The following FOXP2 variants were observed in gnomAD, a reference collection of about 807,000 sequenced individuals.
FOXP2 encodes the protein forkhead box protein P2.
Under a neutral mutation model 115.8 loss-of-function variants are expected in FOXP2, and 12 were observed. The ratio of observed to expected loss-of-function variants is 0.10; its 90% confidence interval spans 0.07 to 0.17. The LOEUF is 0.17. Ranked by LOEUF, FOXP2 falls within the 10% of genes least tolerant of loss-of-function variation. FOXP2 has a pLI of 1.00. For synonymous variants in FOXP2, 328 were observed against 297.7 expected (o/e 1.10, Z -1.05); for missense variants, 629 against 843.5 (o/e 0.75, Z 3.15).
intron 1 of FOXP2, among the ~76,000 whole-genome samples, chr7:114,183,337 A>G (rs1391543062): frequency 6.6e-6 from 1 of 152,160 alleles, no homozygotes; most frequent in Non-Finnish European, 1.5e-5. Flanking sequence ...GAAGCATAGA[A>G]CTGCTGACTA....
chr7:114,335,783 G>A (rs1797838312), intron 2 of FOXP2, among the ~76,000 whole-genome samples: 1 of 151,532 alleles, frequency 6.6e-6, no homozygotes, highest in Non-Finnish European at 1.5e-5. Context: ...ATTTATTATG[G>A]TAAACAGTCT....
chr7:114,523,820 C>T (rs1798740766), intron 2 of FOXP2, among the ~76,000 whole-genome samples: 1 of 152,124 alleles, frequency 6.6e-6, no homozygotes, highest in Admixed American at 6.6e-5. Context: ...AGTCACTCTC[C>T]TAGCTAACCT....
intron 3 of FOXP2, among the ~76,000 whole-genome samples, chr7:114,583,113 C>A (rs1330080125): frequency 6.6e-6 from 1 of 152,158 alleles, no homozygotes; most frequent in African/African-American, 2.4e-5. Flanking sequence ...CGTGGTGGCT[C>A]ACACCTGTAA....
intron 1 of FOXP2, among the ~76,000 whole-genome samples, chr7:114,094,876 G>GA (rs911003020): frequency 4.8e-4 from 73 of 151,518 alleles, no homozygotes; most frequent in African/African-American, 1.2e-3. Flanking sequence ...TCCAGGTTGG[G>GA]AAAAAAAACC....
chr7:114,314,252 T>A (rs1797219348), intron 2 of FOXP2, among the ~76,000 whole-genome samples: 1 of 148,338 alleles, frequency 6.7e-6, no homozygotes, highest in African/African-American at 2.5e-5. Flanking sequence ...TATTATTTTA[T>A]TGTTATGTTT....
intron 1 of FOXP2, among the ~76,000 whole-genome samples, chr7:114,122,960 C>T (rs1791606946): frequency 6.6e-6 from 1 of 151,764 alleles, no homozygotes; most frequent in Non-Finnish European, 1.5e-5. Context: ...TCTTATTCTG[C>T]CTTGTTTTGC....
intron 1 of FOXP2, among the ~76,000 whole-genome samples, chr7:114,246,214 C>A (rs1246698895): frequency 1.3e-5 from 2 of 151,868 alleles, no homozygotes; most frequent in Non-Finnish European, 2.9e-5. Context: ...AGCTAAAATA[C>A]CACTTTGAAT....
chr7:114,513,636 TA>T (rs1798183644), intron 2 of FOXP2, among the ~76,000 whole-genome samples: 1 of 152,134 alleles, frequency 6.6e-6, no homozygotes, highest in Non-Finnish European at 1.5e-5. Context: ...GATATTTTCA[TA>T]AAAAGTTTTA....
chr7:114,571,714 A>T (rs2129296421), intron 3 of FOXP2, among the ~76,000 whole-genome samples: 1 of 152,020 alleles, frequency 6.6e-6, no homozygotes, highest in African/African-American at 2.4e-5. Context: ...TTTTACATTA[A>T]GTATTATAAG....
At chr7:114,543,971 T>C (rs1480751819) in intron 3 of FOXP2, among the ~76,000 whole-genome samples, 1 of 152,216 alleles carries the variant, frequency 6.6e-6, no homozygotes, top group African/African-American at 2.4e-5. Context: ...TACCGGGAAA[T>C]GTTCCTTCAG....
At chr7:114,561,542 T>C (rs1164559822) in intron 3 of FOXP2, 1 of 152,208 alleles carries the variant, frequency 6.6e-6, no homozygotes, top group Non-Finnish European at 1.5e-5. Context: ...AATAATTTCT[T>C]CTCTTAAGGA....
At chr7:114,481,615 C>T (rs1286384156) in intron 2 of FOXP2, among the ~76,000 whole-genome samples, 1 of 151,380 alleles carries the variant, frequency 6.6e-6, no homozygotes, top group Admixed American at 6.6e-5. Context: ...CTCTTCTCTA[C>T]TGACTCTCTG....
chr7:114,512,868 G>A lies in FOXP2; in HGVS notation c.169-21749G>A, dbSNP rs192356413. Among the ~76,000 whole-genome samples the A allele has an allele frequency of 4.2e-3, 635 of 152,164 alleles. 8 individuals are homozygous for A. The highest frequency in any genetic ancestry group is 0.014 in the African/African-American group (601 of 41,504). On this transcript the variant is annotated intron_variant, in intron 2 of 16. Transcript: ENST00000350908. ...GGAGGCAGAGGCAGGTTGATCATGA[G>A]GTCAAGAGATCGATACCATCCTGGC...
chr7:114,180,705 T>A (rs1793433251), intron 1 of FOXP2, among the ~76,000 whole-genome samples: 1 of 151,866 alleles, frequency 6.6e-6, no homozygotes, highest in South Asian at 2.1e-4. Flanking sequence ...ATCCTTCACA[T>A]CTCCCTTCTC....
intron 2 of FOXP2, among the ~76,000 whole-genome samples, chr7:114,456,471 G>A (rs1170230452): frequency 2.0e-5 from 3 of 152,140 alleles, no homozygotes; most frequent in Non-Finnish European, 2.9e-5. Flanking sequence ...AGTTTTCTTA[G>A]TTTTCAAATG....
chr7:114,235,601 T>C (rs2129166619), intron 1 of FOXP2, among the ~76,000 whole-genome samples: 2 of 152,334 alleles, frequency 1.3e-5, no homozygotes, highest in East Asian at 3.9e-4. Context: ...ACAACATCTT[T>C]ATTTGCTTTG....
intron 1 of FOXP2, among the ~76,000 whole-genome samples, chr7:114,275,319 G>A (rs552853037): frequency 2.6e-5 from 4 of 151,872 alleles, no homozygotes; most frequent in Non-Finnish European, 4.4e-5. Context: ...TAGTTTTCCC[G>A]CAGTTCTTAA....
At chr7:114,378,792 A>AG (rs1403508244) in intron 2 of FOXP2, among the ~76,000 whole-genome samples, 1 of 149,114 alleles carries the variant, frequency 6.7e-6, no homozygotes, top group Non-Finnish European at 1.5e-5. Context: ...CATTTAGAGT[A>AG]GGTGCTTATT....
At chr7:114,115,820 G>A (rs762940692) in intron 1 of FOXP2, among the ~76,000 whole-genome samples, 1 of 152,092 alleles carries the variant, frequency 6.6e-6, no homozygotes, top group Non-Finnish European at 1.5e-5. Context: ...AGGGACTTTT[G>A]TTTTGCCTCA....
Sources: allele counts gnomAD v4.1 joint callset (sites outside exome capture counted in the v4.1 genomes callset), GRCh38; gene constraint gnomAD v4.1.1; transcripts MANE v1.5; gene names NCBI Gene and HGNC (gene_info 2026-07-23, HGNC 2026-07-21).